The following SSBP3 variants were observed in gnomAD, a reference collection of about 807,000 sequenced individuals.
The protein encoded by SSBP3 is single stranded DNA binding protein 3, also known as single-stranded DNA-binding protein 3.
Under a neutral mutation model 69.6 loss-of-function variants are expected in SSBP3, and 5 were observed. The observed-to-expected ratio is 0.07, with a 90% CI of 0.04 to 0.15. The LOEUF is 0.15. Ranked by LOEUF, SSBP3 falls within the 10% of genes least tolerant of loss-of-function variation. SSBP3 has a pLI of 1.00. For missense variants in SSBP3, 312 were observed against 534.0 expected (o/e 0.58, Z 4.10); for synonymous variants, 196 against 193.4 (o/e 1.01, Z -0.11).
At chr1:54,324,169 G>A (rs536908644) in intron 4 of SSBP3, among the ~76,000 whole-genome samples, 2 of 152,292 alleles carry the variant, frequency 1.3e-5, no homozygotes, top group African/African-American at 4.8e-5. Flanking sequence ...ACCAGCTCCT[G>A]GACAGGATCT....
chr1:54,255,848 A>G (rs888227328), intron 7 of SSBP3, among the ~76,000 whole-genome samples: 1 of 152,206 alleles, frequency 6.6e-6, no homozygotes, highest in Non-Finnish European at 1.5e-5. Context: ...CAAGGCAGGC[A>G]GATCTCATGA....
chr1:54,243,212 G>A lies in SSBP3; in HGVS notation c.716+23C>T, dbSNP rs200101769. The A allele has an allele frequency of 1.3e-3, 2,137 of 1,612,106 alleles. 3 individuals are homozygous for A. The highest frequency in any genetic ancestry group is 1.6e-3 in the Non-Finnish European group (1,938 of 1,178,322). Reference sequence around the variant, plus strand: ...GGGGAAGACCTGGACTCTGAGCCACGGGCCGGGTCGTTTTTGCCTTACATG... The same window carrying A: ...GGGGAAGACCTGGACTCTGAGCCACAGGCCGGGTCGTTTTTGCCTTACATG... On this transcript the variant is annotated intron_variant, in intron 10 of 17. Coordinates refer to ENST00000610401, the Ensembl canonical transcript of SSBP3.
chr1:54,390,842 G>A lies in SSBP3; in HGVS notation c.276+11019C>T, dbSNP rs569561393. Reference sequence around the variant, plus strand: ...ATCTGGCCGGCAGGCGGGCAGCGCTGCCAAGAGGAAGAGCCTCCAGAGAGA... The same window carrying A: ...ATCTGGCCGGCAGGCGGGCAGCGCTACCAAGAGGAAGAGCCTCCAGAGAGA... On this transcript the variant is annotated intron_variant, in intron 4 of 17. Transcript: ENST00000610401. Among the ~76,000 whole-genome samples, 25 of 152,306 alleles carry A rather than the reference G, an allele frequency of 1.6e-4. 1 individual carries two copies. The highest frequency in any genetic ancestry group is 1.6e-3 in the Admixed American group (25 of 15,302).
At chr1:54,369,797 G>A (rs1557571010) in intron 4 of SSBP3, among the ~76,000 whole-genome samples, 2 of 152,046 alleles carry the variant, frequency 1.3e-5, no homozygotes, top group Non-Finnish European at 2.9e-5. Flanking sequence ...GTCTGAGAAC[G>A]TGACCCTGTC....
chr1:54,231,655 A>AAC (rs1450630335), intron 14 of SSBP3, among the ~76,000 whole-genome samples: 1 of 152,158 alleles, frequency 6.6e-6, no homozygotes, highest in Non-Finnish European at 1.5e-5. Flanking sequence ...TTTCAGCTCT[A>AAC]ACATTTAGAT....
At chr1:54,270,996 A>AGATGAGCTGACTGGCAC (rs1446907680) in intron 5 of SSBP3, among the ~76,000 whole-genome samples, 1 of 152,236 alleles carries the variant, frequency 6.6e-6, no homozygotes, top group East Asian at 1.9e-4. Context: ...CAGAAGGGAC[A>AGATGAGCTGACTGGCAC]GATGAGCTGA....
intron 4 of SSBP3, among the ~76,000 whole-genome samples, chr1:54,353,118 G>A (rs929116322): frequency 7.9e-5 from 12 of 152,136 alleles, no homozygotes; most frequent in Non-Finnish European, 1.5e-4. Context: ...GCGCTCCCTG[G>A]ACAGGTCCCC....
intron 4 of SSBP3, among the ~76,000 whole-genome samples, chr1:54,351,836 T>C (rs1646784962): frequency 6.6e-6 from 1 of 152,196 alleles, no homozygotes; most frequent in African/African-American, 2.4e-5. Context: ...GAAGGACTCC[T>C]GACTCGATCT....
chr1:54,238,963 T>A, intron 14 of SSBP3, 166 bp downstream of exon 14: 42 of 374,042 alleles, frequency 1.1e-4, no homozygotes, highest in Non-Finnish European at 1.7e-4. Context: ...GCCCATGAAA[T>A]GGGAACTGAG....
chr1:54,407,482 C>A (rs376339586), upstream of SSBP3, among the ~76,000 whole-genome samples: 20 of 152,156 alleles, frequency 1.3e-4, no homozygotes, highest in African/African-American at 4.8e-4. Context: ...CAGCTATTTG[C>A]TGCTGACTCC....
exon 5 of SSBP3, chr1:54,281,447 A>T: frequency 6.4e-7 from 1 of 1,562,984 alleles, no homozygotes; most frequent in Non-Finnish European, 8.7e-7. Context: ...CCTGAAAGAA[A>T]CCTGGCGGGA....
intron 4 of SSBP3, among the ~76,000 whole-genome samples, chr1:54,304,953 G>A (rs1186376964): frequency 3.3e-5 from 5 of 152,172 alleles, no homozygotes; most frequent in South Asian, 2.1e-4. Flanking sequence ...ATGAGGAAGC[G>A]AGGATGCGTG....
At chr1:54,235,382 A>G (rs1644470916) in intron 14 of SSBP3, among the ~76,000 whole-genome samples, 1 of 149,010 alleles carries the variant, frequency 6.7e-6, no homozygotes, top group South Asian at 2.1e-4. Context: ...CCCAGGTTCA[A>G]GCGATTCTCC....
chr1:54,302,452 C>T (rs150326818), intron 4 of SSBP3, among the ~76,000 whole-genome samples: 27 of 152,186 alleles, frequency 1.8e-4, no homozygotes, highest in African/African-American at 6.0e-4. Context: ...GCTAGGATTA[C>T]AGGCATGCAC....
At chr1:54,343,836 T>C (rs1557549078) in intron 4 of SSBP3, among the ~76,000 whole-genome samples, 1 of 152,228 alleles carries the variant, frequency 6.6e-6, no homozygotes. Context: ...CATTGGTTCT[T>C]GGCAACATCA....
chr1:54,387,257 A>G (rs1045810960), intron 4 of SSBP3, among the ~76,000 whole-genome samples: 2 of 152,228 alleles, frequency 1.3e-5, no homozygotes, highest in Admixed American at 6.5e-5. Flanking sequence ...AAGTTGAGAG[A>G]ATCGGGGAGA....
chr1:54,282,294 A>G (rs1055867869), intron 4 of SSBP3, among the ~76,000 whole-genome samples: 8 of 152,336 alleles, frequency 5.3e-5, no homozygotes, highest in African/African-American at 1.7e-4. Context: ...CTGGCATGTC[A>G]TATAGAGCAA....
intron 4 of SSBP3, among the ~76,000 whole-genome samples, chr1:54,345,115 A>G (rs2100545836): frequency 6.6e-6 from 1 of 152,290 alleles, no homozygotes; most frequent in East Asian, 1.9e-4. Flanking sequence ...AGAAAGTTAC[A>G]AGAGTTCTCG....
At chr1:54,380,399 C>A (rs1466512593) in intron 4 of SSBP3, among the ~76,000 whole-genome samples, 3 of 152,368 alleles carry the variant, frequency 2.0e-5, no homozygotes, top group South Asian at 4.1e-4. Context: ...AGGCCACAAT[C>A]GGCTTTGGAT....
Sources: gnomAD v4.1 joint callset for allele counts (sites outside exome capture counted in the v4.1 genomes callset) on GRCh38, gnomAD v4.1.1 for gene constraint, MANE v1.5 for transcripts, NCBI Gene and HGNC (gene_info 2026-07-23, HGNC 2026-07-21) for gene names.